Variants in NPAS3 observed in about 807,000 individuals in gnomAD.
NPAS3 encodes neuronal PAS domain-containing protein 3.
Under a neutral mutation model 73.1 loss-of-function variants are expected in NPAS3, and 14 were observed. The ratio of observed to expected loss-of-function variants is 0.19; its 90% CI spans 0.13 to 0.30. The LOEUF is 0.30. Ranked by LOEUF, NPAS3 falls within the 10% of genes least tolerant of loss-of-function variation. The probability of loss-of-function intolerance (pLI) is 1.00; values close to 1 mark genes in which losing one functional copy is unlikely to be tolerated. For missense variants in NPAS3, 1,096 were observed against 1,250.0 expected (o/e 0.88, Z 1.86); for synonymous variants, 620 against 541.5 (o/e 1.14, Z -2.01).
chr14:33,766,142 T>C (rs2062456201), intron 7 of NPAS3, among the ~76,000 whole-genome samples: 1 of 152,248 alleles, frequency 6.6e-6, no homozygotes, highest in African/African-American at 2.4e-5. Flanking sequence ...GTTGACTTCA[T>C]GTGTAAGAGT....
At chr14:33,569,393 A>T (rs115916182) in intron 5 of NPAS3, among the ~76,000 whole-genome samples, 2,047 of 152,294 alleles carry the variant, frequency 0.013, 57 homozygotes, top group African/African-American at 0.046. Flanking sequence ...GGTAACACAG[A>T]TACCTGTGGG....
intron 3 of NPAS3, among the ~76,000 whole-genome samples, chr14:33,271,290 G>A (rs1274558931): frequency 2.6e-5 from 4 of 152,230 alleles, no homozygotes; most frequent in South Asian, 4.1e-4. Flanking sequence ...ACAGTCAAAC[G>A]GGATAGGTCA....
chr14:33,238,545 A>T (rs2048115277), intron 3 of NPAS3, among the ~76,000 whole-genome samples: 1 of 151,992 alleles, frequency 6.6e-6, no homozygotes, highest in South Asian at 2.1e-4. Context: ...GAGTAGTTTG[A>T]ATGACCTAGT....
At chr14:33,337,333 CATT>C (rs2044273763) in intron 3 of NPAS3, among the ~76,000 whole-genome samples, 3 of 152,024 alleles carry the variant, frequency 2.0e-5, no homozygotes, top group Admixed American at 1.3e-4. Context: ...GTTCCAGAAA[CATT>C]GTTGGAAAGA....
At chr14:33,734,090 A>C (rs1372090137) in intron 6 of NPAS3, among the ~76,000 whole-genome samples, 4 of 152,196 alleles carry the variant, frequency 2.6e-5, no homozygotes, top group African/African-American at 9.6e-5. Context: ...CTGTTTTCAC[A>C]TATACTTAAT....
At chr14:33,701,966 T>A (rs2060535828) in intron 6 of NPAS3, among the ~76,000 whole-genome samples, 1 of 152,154 alleles carries the variant, frequency 6.6e-6, no homozygotes, top group Non-Finnish European at 1.5e-5. Flanking sequence ...ACCAACTATA[T>A]AGGAAGCAAA....
intron 2 of NPAS3, among the ~76,000 whole-genome samples, chr14:33,172,705 C>G (rs899627208): frequency 2.0e-5 from 3 of 151,568 alleles, no homozygotes; most frequent in Non-Finnish European, 2.9e-5. Context: ...CACAGCACTC[C>G]AACTCCAACC....
chr14:33,665,118 C>T (rs1053448683), intron 5 of NPAS3, among the ~76,000 whole-genome samples: 3 of 152,138 alleles, frequency 2.0e-5, no homozygotes, highest in Admixed American at 1.3e-4. Context: ...AGATGCCCAT[C>T]GATGATAGGC....
intron 6 of NPAS3, among the ~76,000 whole-genome samples, chr14:33,681,658 TC>T (rs2059941785): frequency 6.6e-6 from 1 of 152,186 alleles, no homozygotes; most frequent in African/African-American, 2.4e-5. Context: ...TCACCATTAA[TC>T]CCATTAATAA....
At chr14:33,088,166 A>T (rs1376207795) in intron 2 of NPAS3, among the ~76,000 whole-genome samples, 1 of 152,186 alleles carries the variant, frequency 6.6e-6, no homozygotes, top group African/African-American at 2.4e-5. Flanking sequence ...GGTTCATCTC[A>T]CTGGGGCTTG....
At chr14:33,270,802 C>G (rs2041039216) in intron 3 of NPAS3, among the ~76,000 whole-genome samples, 1 of 152,138 alleles carries the variant, frequency 6.6e-6, no homozygotes, top group African/African-American at 2.4e-5. Context: ...GGACGATGTC[C>G]TGTCTGCAGA....
chr14:33,745,491 G>T (rs185861860), intron 7 of NPAS3, among the ~76,000 whole-genome samples: 2 of 152,042 alleles, frequency 1.3e-5, no homozygotes, highest in African/African-American at 4.8e-5. Flanking sequence ...CAATACAACC[G>T]TCTTCATAAG....
intron 2 of NPAS3, among the ~76,000 whole-genome samples, chr14:33,097,194 G>A (rs2042447189): frequency 6.6e-6 from 1 of 151,810 alleles, no homozygotes; most frequent in East Asian, 1.9e-4. Context: ...CCTGTGCAAC[G>A]TGGTAAGACA....
intron 4 of NPAS3, among the ~76,000 whole-genome samples, chr14:33,400,018 A>T (rs1016795046): frequency 2.0e-5 from 3 of 152,034 alleles, no homozygotes; most frequent in Non-Finnish European, 4.4e-5. Flanking sequence ...TATTATAATA[A>T]TTTTTTTACC....
intron 6 of NPAS3, among the ~76,000 whole-genome samples, chr14:33,725,693 C>A (rs1382674709): frequency 6.6e-6 from 1 of 152,094 alleles, no homozygotes; most frequent in African/African-American, 2.4e-5. Context: ...CCTTTGGAAT[C>A]CCTCACCCTG....
chr14:33,287,398 G>A (rs969254764), intron 3 of NPAS3, among the ~76,000 whole-genome samples: 10 of 152,156 alleles, frequency 6.6e-5, no homozygotes, highest in African/African-American at 1.4e-4. Context: ...GAGGTGAGGC[G>A]TGTAGGTCCT....
intron 4 of NPAS3, among the ~76,000 whole-genome samples, chr14:33,502,896 C>T (rs1489700668): frequency 6.6e-6 from 1 of 151,964 alleles, no homozygotes; most frequent in Non-Finnish European, 1.5e-5. Context: ...GAAGTAAGAA[C>T]ATTTCATTCA....
At chr14:33,119,552 C>T (rs1237277953) in intron 2 of NPAS3, among the ~76,000 whole-genome samples, 1 of 152,048 alleles carries the variant, frequency 6.6e-6, no homozygotes, top group African/African-American at 2.4e-5. Flanking sequence ...AGATAAGTCA[C>T]CAATATGTCT....
chr14:33,552,515 T>C (rs2055165029), intron 4 of NPAS3, among the ~76,000 whole-genome samples: 1 of 152,188 alleles, frequency 6.6e-6, no homozygotes, highest in African/African-American at 2.4e-5. Context: ...TGATGTCCGA[T>C]AACAATAAAT....
Sources: allele counts gnomAD v4.1 joint callset (sites outside exome capture counted in the v4.1 genomes callset), GRCh38; gene constraint gnomAD v4.1.1; transcripts MANE v1.5; gene names NCBI Gene and HGNC (gene_info 2026-07-23, HGNC 2026-07-21).